The following KCNQ5 variants were observed in gnomAD, a reference collection of about 807,000 sequenced individuals.
The protein encoded by KCNQ5 is potassium voltage-gated channel subfamily KQT member 5.
KCNQ5 carries 30 observed loss-of-function variants against 98.2 expected under a neutral mutation model. That is an observed-to-expected ratio of 0.31 (90% CI 0.23 to 0.41). The LOEUF (loss-of-function observed/expected upper bound fraction) is 0.41, where lower values mean the gene tolerates loss of function less well. Among genes scored for constraint, KCNQ5 ranks in the 10% least tolerant of loss-of-function variants. The pLI, the probability that KCNQ5 is intolerant of heterozygous loss-of-function variation, is 1.00. For missense variants in KCNQ5, 835 were observed against 1,182.5 expected (o/e 0.71, Z 4.31); for synonymous variants, 458 against 449.4 (o/e 1.02, Z -0.24).
At chr6:72,726,261 A>AGT (rs1770266762) in intron 1 of KCNQ5, among the ~76,000 whole-genome samples, 1 of 144,192 alleles carries the variant, frequency 6.9e-6, no homozygotes, top group Admixed American at 7.1e-5. Context: ...CCCAGGCTGG[A>AGT]GTGCAGTGGC....
chr6:72,722,960 C>T (rs1270928989), intron 1 of KCNQ5, among the ~76,000 whole-genome samples: 5 of 151,192 alleles, frequency 3.3e-5, no homozygotes, highest in Non-Finnish European at 4.4e-5. Context: ...GGTGATCCTC[C>T]CGCCTCAGCT....
At chr6:73,040,072 T>C (rs958700526) in intron 2 of KCNQ5, among the ~76,000 whole-genome samples, 5 of 152,074 alleles carry the variant, frequency 3.3e-5, no homozygotes, top group Non-Finnish European at 7.4e-5. Flanking sequence ...AGGGCTTGAA[T>C]AAAGAACTTG....
rs185064607 is a variant in KCNQ5 at position 73,101,289 on chromosome 6, C to G, written c.919-3968C>G. The stretch of plus-strand genomic sequence containing the variant: ...ACAACACATTAAAAAGATCATCCAT[C>G]ATGACCAAGTGAGATTTATCTCAGG... On this transcript the variant is annotated intron_variant, in intron 5 of 13. Coordinates refer to ENST00000370398, the MANE Select transcript of KCNQ5 (RefSeq NM_019842.4). Among the ~76,000 whole-genome samples, 688 of 152,272 alleles carry G rather than the reference C, an allele frequency of 4.5e-3. 6 individuals carry two copies. Among genetic ancestry groups the G allele is most frequent in the Non-Finnish European group, 6.6e-3 (447 of 68,006 alleles).
At chr6:72,645,220 A>AAAC (rs1565053354) in intron 1 of KCNQ5, among the ~76,000 whole-genome samples, 3 of 148,244 alleles carry the variant, frequency 2.0e-5, no homozygotes, top group Non-Finnish European at 3.0e-5. Flanking sequence ...AAAACAAAAA[A>AAAC]AAACAAAAAA....
At chr6:72,634,399 A>C (rs552502629) in intron 1 of KCNQ5, among the ~76,000 whole-genome samples, 1 of 152,172 alleles carries the variant, frequency 6.6e-6, no homozygotes, top group East Asian at 1.9e-4. Flanking sequence ...TGGATTATGT[A>C]TTTTATTCCT....
In KCNQ5 at chr6:73,195,603, A is replaced by G; in HGVS notation, c.*189A>G. On this transcript the variant is annotated 3_prime_UTR_variant, in exon 14 of 14. Transcript: ENST00000370398. ...AGGGATGGCTAAAATTCCAAGGTGCATCGACATTAACCCACTCATTTAGTA... is the reference window on the plus strand; with the variant it reads ...AGGGATGGCTAAAATTCCAAGGTGCGTCGACATTAACCCACTCATTTAGTA... 1 of 695,114 alleles carries G rather than the reference A, an allele frequency of 1.4e-6. No homozygotes were observed. Among genetic ancestry groups the G allele is most frequent in the Non-Finnish European group, 2.3e-6 (1 of 429,610 alleles). The allele number at this position is 695,114 out of a possible 1,614,324, so 43.1% of individuals were successfully genotyped here.
At chr6:72,659,565 A>G (rs376735041) in intron 1 of KCNQ5, among the ~76,000 whole-genome samples, 15 of 152,242 alleles carry the variant, frequency 9.9e-5, no homozygotes, top group South Asian at 4.1e-4. Flanking sequence ...CTTTGCTTCC[A>G]AGATGGTGCC....
chr6:73,135,113 G>T (rs1776410764), intron 10 of KCNQ5: 1 of 151,972 alleles, frequency 6.6e-6, no homozygotes, highest in African/African-American at 2.4e-5. Flanking sequence ...CTATTTCTAG[G>T]ATATAATAGA....
rs35917327 is a variant in KCNQ5, at chr6:73,056,401, T to TA, written c.616+14351dup. Among the ~76,000 whole-genome samples, 946 of 147,578 alleles carry TA rather than the reference T, an allele frequency of 6.4e-3. 2 individuals carry two copies. Among genetic ancestry groups the TA allele is most frequent in the African/African-American group, 9.8e-3 (398 of 40,806 alleles). The stretch of plus-strand genomic sequence containing the variant: ...TTTATGTGTTACATTTACTTTTATT[T>TA]AAAAAAAAAAAAGTATAGTGTATAT... On this transcript the variant is annotated intron_variant, in intron 3 of 13. Coordinates refer to ENST00000370398, the MANE Select transcript of KCNQ5 (RefSeq NM_019842.4).
chr6:72,983,085 T>C (rs1360866186), intron 1 of KCNQ5, among the ~76,000 whole-genome samples: 2 of 152,224 alleles, frequency 1.3e-5, no homozygotes, highest in Non-Finnish European at 2.9e-5. Flanking sequence ...CCGACCTTTC[T>C]CTCTGGCTGC....
intron 1 of KCNQ5, among the ~76,000 whole-genome samples, chr6:72,825,175 G>A (rs1263494007): frequency 6.6e-6 from 1 of 151,862 alleles, no homozygotes; most frequent in East Asian, 1.9e-4. Context: ...CATTTAGGCT[G>A]GGAGACTGGG....
chr6:73,167,231 G>A (rs536495295), intron 10 of KCNQ5, among the ~76,000 whole-genome samples: 10 of 152,272 alleles, frequency 6.6e-5, no homozygotes, highest in Non-Finnish European at 1.2e-4. Flanking sequence ...GTTAATCAAT[G>A]TACTCTCATT....
chr6:72,986,947 G>A lies in KCNQ5; in HGVS notation c.399-16961G>A, dbSNP rs538855287. The A allele has an allele frequency of 9.2e-5, 77 of 836,446 alleles. No homozygotes were observed. The African/African-American group carries it at 1.0e-3, about 11-fold the overall frequency. 51.8% of individuals were successfully genotyped at this position (836,446 alleles called of 1,614,324 possible). ...AACAGGCAGCCTTGGGGCAGATAAC[G>A]GAAGCAGAAGAGCCCCAGGGAGCAC... On this transcript the variant is annotated intron_variant, in intron 1 of 13. Transcript: ENST00000370398.
chr6:73,044,000 A>G (rs148176447), intron 3 of KCNQ5, among the ~76,000 whole-genome samples: 234 of 152,312 alleles, frequency 1.5e-3, no homozygotes, highest in Admixed American at 3.9e-3. Flanking sequence ...AAAATTTAGT[A>G]TGATGCCTGG....
intron 1 of KCNQ5, among the ~76,000 whole-genome samples, chr6:72,919,184 C>G (rs1303526062): frequency 6.6e-6 from 1 of 152,164 alleles, no homozygotes; most frequent in Non-Finnish European, 1.5e-5. Flanking sequence ...GTGTTTGCCT[C>G]TGGTCCAGTC....
At chr6:73,143,356 T>C (rs990706970) in intron 10 of KCNQ5, 5 of 152,218 alleles carry the variant, frequency 3.3e-5, no homozygotes, top group African/African-American at 1.2e-4. Context: ...CTAGCAATTC[T>C]ATACTAAGAA....
At chr6:72,983,785 T>TA (rs1768597779) in intron 1 of KCNQ5, among the ~76,000 whole-genome samples, 1 of 52,946 alleles carries the variant, frequency 1.9e-5, no homozygotes, top group Non-Finnish European at 7.4e-5. Context: ...GCTTTTCTGT[T>TA]CTTGTTTCTC....
At position 72,893,500 on chromosome 6, in the gene KCNQ5, G is replaced by A. The variant is rs77398723; in HGVS notation, c.399-110408G>A. Among the ~76,000 whole-genome samples, 866 of 152,202 alleles carry A rather than the reference G, an allele frequency of 5.7e-3. 12 individuals carry two copies. The highest frequency in any genetic ancestry group is 0.02 in the East Asian group (105 of 5,176). On this transcript the variant is annotated intron_variant, in intron 1 of 13. Coordinates refer to ENST00000370398, the MANE Select transcript of KCNQ5 (RefSeq NM_019842.4). ...AAAATTTTGACACACATCTTCCCCAGCCTAATCTGCAATGCAATGCTTTAG... is the reference window on the plus strand; with the variant it reads ...AAAATTTTGACACACATCTTCCCCAACCTAATCTGCAATGCAATGCTTTAG...
intron 1 of KCNQ5, among the ~76,000 whole-genome samples, chr6:72,801,419 G>C (rs1774650113): frequency 7.6e-6 from 1 of 132,002 alleles, no homozygotes; most frequent in Admixed American, 7.7e-5. Context: ...TTGGTTTAAA[G>C]TCTGTTTTAT....
Sources: allele counts gnomAD v4.1 joint callset (sites outside exome capture counted in the v4.1 genomes callset), GRCh38; gene constraint gnomAD v4.1.1; transcripts MANE v1.5; gene names NCBI Gene and HGNC (gene_info 2026-07-23, HGNC 2026-07-21).